The following CTNNA3 variants were observed in gnomAD, a reference collection of about 807,000 sequenced individuals.
CTNNA3 encodes the protein catenin alpha-3.
CTNNA3 carries 76 observed loss-of-function variants against 95.7 expected under a neutral mutation model. That is an observed-to-expected ratio of 0.79 (90% CI 0.66 to 0.96). CTNNA3 has a LOEUF of 0.96. Ranked by LOEUF, CTNNA3 falls within the 40% of genes least tolerant of loss-of-function variation. The pLI, the probability that CTNNA3 is intolerant of heterozygous loss-of-function variation, is 0.00. For synonymous variants in CTNNA3, 431 were observed against 374.4 expected, an observed-to-expected ratio of 1.15 and a Z score of -1.74; for missense variants, 1,191 against 1,089.8, an observed-to-expected ratio of 1.09 and a Z score of -1.31.
At position 66,784,802 on chromosome 10, in the gene CTNNA3, T is replaced by G. The variant is rs140128306; in HGVS notation, c.1048-9278A>C. ...TAGGGAAGGTTTATTGGAGAGGATT[T>G]ATATAAAGAATCTGGAATTCCCATT... On this transcript the variant is annotated intron_variant, in intron 7 of 17. Coordinates refer to ENST00000433211, the MANE Select transcript of CTNNA3 (RefSeq NM_013266.4). 1.7e-3 allele frequency among the ~76,000 whole-genome samples: 266 copies of G among 152,260 alleles called. 2 individuals are homozygous for G. Among genetic ancestry groups the G allele is most frequent in the African/African-American group, 6.3e-3 (261 of 41,546 alleles).
chr10:67,022,210 T>C (rs896041389), intron 7 of CTNNA3, among the ~76,000 whole-genome samples: 9 of 152,066 alleles, frequency 5.9e-5, no homozygotes, highest in African/African-American at 2.2e-4. Context: ...ACACTTCCAA[T>C]ATAAAAGATA....
chr10:67,105,384 T>C (rs1858577072), intron 7 of CTNNA3, among the ~76,000 whole-genome samples: 1 of 152,150 alleles, frequency 6.6e-6, no homozygotes, highest in South Asian at 2.1e-4. Flanking sequence ...CTACATGTTC[T>C]TTCCAAGGTC....
At chr10:66,539,302 C>T (rs2132072120) in intron 10 of CTNNA3, among the ~76,000 whole-genome samples, 1 of 152,170 alleles carries the variant, frequency 6.6e-6, no homozygotes, top group Middle Eastern at 3.4e-3. Flanking sequence ...GCTACATTCC[C>T]ATGAGACTTG....
intron 3 of CTNNA3, among the ~76,000 whole-genome samples, chr10:67,575,056 G>T (rs1333602276): frequency 6.6e-6 from 1 of 152,070 alleles, no homozygotes; most frequent in Non-Finnish European, 1.5e-5. Flanking sequence ...CTTCTCCAAG[G>T]ACCCAATGTC....
chr10:67,122,112 CAATT>C (rs1423002527), intron 7 of CTNNA3, among the ~76,000 whole-genome samples: 1 of 150,554 alleles, frequency 6.6e-6, no homozygotes, highest in Non-Finnish European at 1.5e-5. Context: ...TCTAGACTGT[CAATT>C]AAGAGACCAG....
intron 5 of CTNNA3, among the ~76,000 whole-genome samples, chr10:67,464,241 T>C (rs1215841365): frequency 1.3e-5 from 2 of 152,162 alleles, no homozygotes; most frequent in Non-Finnish European, 2.9e-5. Context: ...TTAATTCTTT[T>C]CCTCATGTTT....
At chr10:66,240,441 A>G (rs2090051511) in intron 13 of CTNNA3, among the ~76,000 whole-genome samples, 1 of 152,094 alleles carries the variant, frequency 6.6e-6, no homozygotes, top group African/African-American at 2.4e-5. Context: ...TAGCCGGACA[A>G]AACAAATAAT....
intron 11 of CTNNA3, among the ~76,000 whole-genome samples, chr10:66,429,011 A>G (rs1181664356): frequency 2.0e-5 from 3 of 152,236 alleles, no homozygotes; most frequent in Non-Finnish European, 4.4e-5. Flanking sequence ...CGCTAGCAAG[A>G]CTAATAAAGA....
intron 9 of CTNNA3, among the ~76,000 whole-genome samples, chr10:66,727,510 G>A (rs186715622): frequency 6.6e-6 from 1 of 152,098 alleles, no homozygotes; most frequent in African/African-American, 2.4e-5. Context: ...CACTTTCAGA[G>A]GATACTATGA....
chr10:66,067,944 T>C (rs1046637948), intron 15 of CTNNA3, among the ~76,000 whole-genome samples: 1 of 152,050 alleles, frequency 6.6e-6, no homozygotes, highest in Admixed American at 6.6e-5. Context: ...TATCACTTTA[T>C]ATTATTTCCT....
At chr10:66,886,569 T>C (rs1845053462) in intron 7 of CTNNA3, among the ~76,000 whole-genome samples, 1 of 152,174 alleles carries the variant, frequency 6.6e-6, no homozygotes, top group Admixed American at 6.5e-5. Context: ...AGATTTTCCA[T>C]CGACATGTTA....
At chr10:67,436,492 A>G (rs1025606309) in intron 5 of CTNNA3, among the ~76,000 whole-genome samples, 1 of 152,208 alleles carries the variant, frequency 6.6e-6, no homozygotes, top group African/African-American at 2.4e-5. Flanking sequence ...CAGACTAAAG[A>G]GCTTCTGCAC....
intron 15 of CTNNA3, among the ~76,000 whole-genome samples, chr10:66,042,964 A>AACAGGAC (rs1325778661): frequency 3.4e-5 from 5 of 148,680 alleles, no homozygotes; most frequent in Admixed American, 6.7e-5. Flanking sequence ...TGGATTGGAG[A>AACAGGAC]ACAGGACTAT....
At chr10:67,491,210 C>G (rs979939465) in intron 5 of CTNNA3, among the ~76,000 whole-genome samples, 2 of 152,108 alleles carry the variant, frequency 1.3e-5, no homozygotes, top group Non-Finnish European at 2.9e-5. Flanking sequence ...AAATTACAGA[C>G]AGATATAGAT....
intron 5 of CTNNA3, among the ~76,000 whole-genome samples, chr10:67,469,122 AC>A (rs1486378458): frequency 6.6e-6 from 1 of 152,170 alleles, no homozygotes; most frequent in African/African-American, 2.4e-5. Flanking sequence ...AACTCTAAGA[AC>A]AAAAAACAGT....
chr10:66,529,352 G>A (rs891649053), intron 10 of CTNNA3, among the ~76,000 whole-genome samples: 1 of 151,378 alleles, frequency 6.6e-6, no homozygotes, highest in Non-Finnish European at 1.5e-5. Flanking sequence ...GGCTGGTGTT[G>A]AATTCCTGAC....
At chr10:66,499,006 A>G (rs1840189994) in intron 11 of CTNNA3, among the ~76,000 whole-genome samples, 1 of 152,220 alleles carries the variant, frequency 6.6e-6, no homozygotes, top group Non-Finnish European at 1.5e-5. Flanking sequence ...TCTGCGGTAT[A>G]CCATATATTG....
intron 12 of CTNNA3, among the ~76,000 whole-genome samples, chr10:66,340,045 T>C (rs2132350334): frequency 6.6e-6 from 1 of 151,792 alleles, no homozygotes; most frequent in East Asian, 1.9e-4. Flanking sequence ...TTACCCAGGA[T>C]TGTACACACC....
At chr10:67,735,064 C>T (rs1190805180) in intron 1 of CTNNA3, among the ~76,000 whole-genome samples, 1 of 151,906 alleles carries the variant, frequency 6.6e-6, no homozygotes, top group Non-Finnish European at 1.5e-5. Context: ...GACACTGACA[C>T]AGTAGGTCTA....
Sources: gnomAD v4.1 joint callset for allele counts (sites outside exome capture counted in the v4.1 genomes callset) on GRCh38, gnomAD v4.1.1 for gene constraint, MANE v1.5 for transcripts, NCBI Gene and HGNC (gene_info 2026-07-23, HGNC 2026-07-21) for gene names.